IQCJ: variants seen among roughly 807,000 people sequenced by gnomAD.
IQCJ encodes the protein IQ motif containing J.
In IQCJ, 9 loss-of-function variants were observed where a neutral mutation model predicts 11.0. That is an observed-to-expected ratio of 0.82 (90% CI 0.49 to 1.43). The LOEUF (loss-of-function observed/expected upper bound fraction) is 1.43. IQCJ is among the 40% of genes most tolerant of loss of function. The pLI is 0.00. For synonymous variants in IQCJ, 55 were observed against 51.3 expected (o/e 1.07, Z -0.31); for missense variants, 146 against 133.2 (o/e 1.10, Z -0.47).
At chr3:159,187,617 T>A (rs1269006555) in intron 1 of IQCJ, among the ~76,000 whole-genome samples, 4 of 152,224 alleles carry the variant, frequency 2.6e-5, no homozygotes, top group African/African-American at 9.6e-5. Flanking sequence ...TTGTCCATGC[T>A]GTAGATGGCA....
intron 1 of IQCJ, among the ~76,000 whole-genome samples, chr3:159,152,051 G>C (rs1326308040): frequency 6.6e-6 from 1 of 152,152 alleles, no homozygotes; most frequent in East Asian, 1.9e-4. Context: ...ATCCATGCTC[G>C]ATTTGGTGAA....
chr3:159,102,897 AT>A (rs1341886635), intron 1 of IQCJ, among the ~76,000 whole-genome samples: 3 of 152,198 alleles, frequency 2.0e-5, no homozygotes, highest in African/African-American at 7.2e-5. Flanking sequence ...GGTAGATTTT[AT>A]TCTTGATATG....
At chr3:159,192,470 G>A (rs547372067) in intron 1 of IQCJ, among the ~76,000 whole-genome samples, 2 of 152,120 alleles carry the variant, frequency 1.3e-5, no homozygotes, top group African/African-American at 2.4e-5. Context: ...GCAGAGTTGC[G>A]GAGAGGTAGA....
At chr3:159,116,667 T>C (rs1378554199) in intron 1 of IQCJ, among the ~76,000 whole-genome samples, 6 of 17,762 alleles carry the variant, frequency 3.4e-4, no homozygotes, top group East Asian at 5.5e-3. Flanking sequence ...TATATATATA[T>C]ATACACCCTT....
At chr3:159,088,274 G>A (rs1421829016) in intron 1 of IQCJ, among the ~76,000 whole-genome samples, 2 of 152,084 alleles carry the variant, frequency 1.3e-5, no homozygotes, top group Non-Finnish European at 2.9e-5. Flanking sequence ...TTGCACTGTG[G>A]TCTGAGAGAC....
intron 1 of IQCJ, among the ~76,000 whole-genome samples, chr3:159,195,653 T>G (rs1305210181): frequency 6.6e-6 from 1 of 152,212 alleles, no homozygotes; most frequent in Non-Finnish European, 1.5e-5. Flanking sequence ...CAGGTATCCT[T>G]ACGATTAAGT....
chr3:159,172,324 A>G (rs1012883139), intron 1 of IQCJ, among the ~76,000 whole-genome samples: 38 of 152,224 alleles, frequency 2.5e-4, no homozygotes, highest in Non-Finnish European at 4.4e-4. Context: ...TAAAAAATGT[A>G]TAAATGTTGT....
downstream of IQCJ, chr3:159,265,410 C>T (rs1728445920): frequency 1.2e-6 from 2 of 1,608,108 alleles, no homozygotes; most frequent in African/African-American, 1.3e-5. Flanking sequence ...GTGAATGGAC[C>T]TCAAGTTTAT....
chr3:159,085,206 T>C (rs1234517622), intron 1 of IQCJ, among the ~76,000 whole-genome samples: 2 of 152,036 alleles, frequency 1.3e-5, no homozygotes, highest in African/African-American at 4.8e-5. Context: ...CTGAGAATGA[T>C]GGTTTCCAAT....
intron 1 of IQCJ, among the ~76,000 whole-genome samples, chr3:159,087,010 A>T (rs1716828954): frequency 6.6e-6 from 1 of 152,170 alleles, no homozygotes; most frequent in Admixed American, 6.6e-5. Context: ...TTCACAGGGA[A>T]TGCTTCCAGG....
chr3:159,191,551 A>G (rs1303663612), intron 1 of IQCJ, among the ~76,000 whole-genome samples: 3 of 152,156 alleles, frequency 2.0e-5, no homozygotes, highest in Non-Finnish European at 4.4e-5. Flanking sequence ...GAAGTGGGCG[A>G]TGGGATTTAT....
At chr3:159,088,681 C>T (rs1716990141) in intron 1 of IQCJ, among the ~76,000 whole-genome samples, 2 of 152,114 alleles carry the variant, frequency 1.3e-5, no homozygotes, top group South Asian at 4.1e-4. Context: ...TAATGGCCTT[C>T]TTTGTCTCTT....
chr3:159,217,845 C>T (rs1725318456), intron 1 of IQCJ, among the ~76,000 whole-genome samples: 2 of 152,142 alleles, frequency 1.3e-5, no homozygotes, highest in Non-Finnish European at 1.5e-5. Flanking sequence ...GTTCTGTAAC[C>T]ACCTATGGGC....
At chr3:159,125,085 T>C (rs1004536848) in intron 1 of IQCJ, among the ~76,000 whole-genome samples, 3 of 152,174 alleles carry the variant, frequency 2.0e-5, no homozygotes, top group Non-Finnish European at 4.4e-5. Context: ...AAATAGTAAT[T>C]TGATAGTGTA....
At chr3:159,253,857 A>G (rs1577117988) in intron 3 of IQCJ, among the ~76,000 whole-genome samples, 2 of 152,240 alleles carry the variant, frequency 1.3e-5, no homozygotes, top group Non-Finnish European at 2.9e-5. Context: ...ACACAAATAC[A>G]TAATATCCTG....
intron 1 of IQCJ, among the ~76,000 whole-genome samples, chr3:159,182,779 T>TA (rs201125489): frequency 0.045 from 6,533 of 143,642 alleles, 429 homozygotes; most frequent in African/African-American, 0.15. Context: ...TTTATTTATT[T>TA]TATTTTTTTT....
At chr3:159,084,298 C>A (rs899242881) in intron 1 of IQCJ, among the ~76,000 whole-genome samples, 1 of 150,932 alleles carries the variant, frequency 6.6e-6, no homozygotes, top group African/African-American at 2.4e-5. Flanking sequence ...AAGATAAATT[C>A]GGTTTGGAAA....
intron 1 of IQCJ, among the ~76,000 whole-genome samples, chr3:159,126,937 G>A (rs997574061): frequency 2.0e-5 from 3 of 152,200 alleles, no homozygotes; most frequent in Non-Finnish European, 4.4e-5. Flanking sequence ...ACTGACATAG[G>A]TGGGTCAGCC....
intron 1 of IQCJ, among the ~76,000 whole-genome samples, chr3:159,185,041 C>A (rs539387095): frequency 2.2e-4 from 34 of 152,298 alleles, no homozygotes; most frequent in African/African-American, 7.7e-4. Flanking sequence ...CAGGAAGCAT[C>A]CAACATCAGT....
Sources: allele counts gnomAD v4.1 joint callset (sites outside exome capture counted in the v4.1 genomes callset), GRCh38; gene constraint gnomAD v4.1.1; transcripts MANE v1.5; gene names NCBI Gene and HGNC (gene_info 2026-07-23, HGNC 2026-07-21).